The following RBM19 variants were observed in gnomAD, a reference collection of about 807,000 sequenced individuals.
The protein encoded by RBM19 is probable RNA-binding protein 19.
Under a neutral mutation model 116.8 loss-of-function variants are expected in RBM19, and 94 were observed. That is an observed-to-expected ratio of 0.80 (90% confidence interval 0.68 to 0.95). The LOEUF (loss-of-function observed/expected upper bound fraction) is 0.95, where lower values mean the gene tolerates loss of function less well. Ranked by LOEUF, RBM19 falls within the 40% of genes least tolerant of loss-of-function variation. The probability of loss-of-function intolerance (pLI) is 0.00; values close to 1 mark genes in which losing one functional copy is unlikely to be tolerated. For synonymous variants in RBM19, 475 were observed against 494.1 expected, an observed-to-expected ratio of 0.96 and a Z score of 0.51; for missense variants, 1,161 against 1,220.7, an observed-to-expected ratio of 0.95 and a Z score of 0.73.
chr12:113,928,141 A>G (rs4767168), intron 16 of RBM19, among the ~76,000 whole-genome samples: 10,489 of 152,216 alleles, frequency 0.069, 784 homozygotes, highest in East Asian at 0.41. Context: ...GTTCAAGACT[A>G]GCCTGGCCAA....
Position 113,895,845 on chromosome 12 carries a change from G to A in RBM19, c.2558+19124C>T, listed in dbSNP as rs142251013. The stretch of plus-strand genomic sequence containing the variant: ...CTATATATCTATTGGATTATATATA[G>A]AATATATACTATAGCTATATATAGG... On this transcript the variant is annotated intron_variant, in intron 21 of 23. Transcript: ENST00000261741. Among the ~76,000 whole-genome samples, 419 of 149,558 alleles carry A rather than the reference G, an allele frequency of 2.8e-3. 5 individuals are homozygous for A. Among genetic ancestry groups the A allele is most frequent in the African/African-American group, 9.9e-3 (404 of 40,850 alleles).
At position 113,950,144 on chromosome 12, in the gene RBM19, A is replaced by G; in HGVS notation, c.1011T>C (p.Phe337=). Reference sequence around the variant, plus strand: ...CTTCCTCTTCATTGCTGAAATCCACAAAGATGTATCCTGACAGAGGACAAT... The same window carrying G: ...CTTCCTCTTCATTGCTGAAATCCACGAAGATGTATCCTGACAGAGGACAAT... ...NAHGNKTGYI[F]VDFSNEEEVK... The change falls in exon 9 of 24, where the codon TTT becomes TTC. Residue 337 remains phenylalanine (F), a synonymous_variant. Coordinates refer to ENST00000261741, the MANE Select transcript of RBM19 (RefSeq NM_016196.4). 3 of 1,609,194 alleles carry G rather than the reference A, an allele frequency of 1.9e-6. No homozygotes were observed. Among genetic ancestry groups the G allele is most frequent in the Non-Finnish European group, 2.6e-6 (3 of 1,175,686 alleles).
intron 22 of RBM19, among the ~76,000 whole-genome samples, chr12:113,850,018 C>G (rs950107759): frequency 2.0e-5 from 3 of 152,212 alleles, no homozygotes; most frequent in African/African-American, 7.2e-5. Context: ...CTGCTCAAGG[C>G]CTCTCCTCAG....
chr12:113,882,852 A>C (rs936290192), intron 21 of RBM19, among the ~76,000 whole-genome samples: 1 of 152,258 alleles, frequency 6.6e-6, no homozygotes, highest in Non-Finnish European at 1.5e-5. Context: ...AAGAGTCCAG[A>C]GATACAAGAG....
intron 23 of RBM19, among the ~76,000 whole-genome samples, chr12:113,832,188 C>T (rs1875481654): frequency 7.1e-6 from 1 of 140,684 alleles, no homozygotes; most frequent in Admixed American, 7.0e-5. Flanking sequence ...GTTATCATTT[C>T]TTTTTTCTTT....
At chr12:113,819,611 C>T (rs1874287000), downstream of RBM19, among the ~76,000 whole-genome samples, 1 of 152,206 alleles carries the variant, frequency 6.6e-6, no homozygotes, top group East Asian at 1.9e-4. Context: ...AACGTCCCAT[C>T]ATTGCTTCAA....
intron 14 of RBM19, 99 bp from the exon 15 acceptor site, chr12:113,940,259 A>C: frequency 7.9e-7 from 1 of 1,265,274 alleles, no homozygotes; most frequent in Non-Finnish European, 1.1e-6. Flanking sequence ...AAGGCTCTCC[A>C]TTTGGAACCT....
At chr12:113,956,166 TG>T (rs1007680256) in intron 6 of RBM19, among the ~76,000 whole-genome samples, 5 of 151,860 alleles carry the variant, frequency 3.3e-5, no homozygotes, top group Non-Finnish European at 5.9e-5. Context: ...TATACAATTT[TG>T]GGGGGGAAGA....
intron 21 of RBM19, among the ~76,000 whole-genome samples, chr12:113,909,831 C>T (rs1882317310): frequency 6.6e-6 from 1 of 152,208 alleles, no homozygotes; most frequent in Admixed American, 6.5e-5. Context: ...ACAGTAATAA[C>T]AGCTACGCTG....
At chr12:113,936,516 T>C (rs1318349902) in intron 16 of RBM19, among the ~76,000 whole-genome samples, 1 of 152,228 alleles carries the variant, frequency 6.6e-6, no homozygotes, top group East Asian at 1.9e-4. Flanking sequence ...CAAAGCCCAA[T>C]GATACCCCTT....
chr12:113,877,212 AC>A (rs1879734998), intron 21 of RBM19, among the ~76,000 whole-genome samples: 1 of 152,234 alleles, frequency 6.6e-6, no homozygotes, highest in Non-Finnish European at 1.5e-5. Flanking sequence ...CCTCTGATAC[AC>A]CAGTGACCAC....
Position 113,955,207 on chromosome 12 carries a change from T to G in RBM19, c.845A>C (p.Glu282Ala), listed in dbSNP as rs972045774. ...KRPPEARAETEKPANQKEPTT... is the reference protein window; with the variant it reads ...KRPPEARAETAKPANQKEPTT... ...GGGTTCCTTCTGGTTTGCTGGTTTC[T>G]CTGTCTGAGTGATCACAAAAACAAA... The change falls in exon 7 of 24, where the codon GAG becomes GCG. Residue 282 changes from glutamate (E) to alanine (A), a missense_variant. Coordinates refer to ENST00000261741, the MANE Select transcript of RBM19 (RefSeq NM_016196.4). The G allele has an allele frequency of 3.7e-6, 6 of 1,613,898 alleles. No homozygotes were observed. Among genetic ancestry groups the G allele is most frequent in the Non-Finnish European group, 8.5e-7 (1 of 1,179,948 alleles).
chr12:113,856,601 C>T (rs1281402789), intron 22 of RBM19, among the ~76,000 whole-genome samples: 1 of 152,206 alleles, frequency 6.6e-6, no homozygotes, highest in East Asian at 1.9e-4. Context: ...CCATTCAGAA[C>T]AGCAGTGAGC....
chr12:113,836,283 G>A (rs1875879261), intron 23 of RBM19, among the ~76,000 whole-genome samples: 1 of 152,150 alleles, frequency 6.6e-6, no homozygotes. Context: ...AGGGCAGTTT[G>A]GTGGAAAACG....
chr12:113,846,951 G>A (rs1238289859), intron 22 of RBM19, among the ~76,000 whole-genome samples: 1 of 152,170 alleles, frequency 6.6e-6, no homozygotes, highest in Non-Finnish European at 1.5e-5. Flanking sequence ...GAACTCTAGT[G>A]ATCCTCCTGC....
chr12:113,922,615 T>A (rs1868684760), intron 18 of RBM19, among the ~76,000 whole-genome samples: 3 of 124,786 alleles, frequency 2.4e-5, no homozygotes, highest in South Asian at 4.8e-4. Flanking sequence ...CAGCAATAAC[T>A]TTTTTTTTTT....
At chr12:113,946,297 G>A in intron 12 of RBM19, 57 bp downstream of exon 12, 2 of 1,612,408 alleles carry the variant, frequency 1.2e-6, no homozygotes, top group Non-Finnish European at 1.7e-6. Context: ...GAAAGGGCAG[G>A]GTGAGGGTGG....
In RBM19 at chr12:113,948,850, T is replaced by C. The variant is rs1468412926; in HGVS notation, c.1259A>G (p.Lys420Arg). Residue 420 changes from lysine (K) to arginine (R), a missense_variant, in exon 10 of 24, where the codon AAG becomes AGG. Coordinates refer to ENST00000261741, the MANE Select transcript of RBM19 (RefSeq NM_016196.4). ...ACCCCTACCATATTTGGAGAAGAGC[T>C]TCTCCAGATCCTCCTCGGTGCTGGT... ...PYTSTEEDLE[K>R]LFSKYGPLSE... 2 of 1,614,168 alleles carry C rather than the reference T, an allele frequency of 1.2e-6. No homozygotes were observed. Among genetic ancestry groups the C allele is most frequent in the East Asian group, 2.2e-5 (1 of 44,864 alleles).
intron 4 of RBM19, 152 bp from the exon 5 acceptor site, chr12:113,959,556 T>G: frequency 1.1e-6 from 1 of 942,668 alleles, no homozygotes; most frequent in Non-Finnish European, 1.6e-6. Flanking sequence ...GACCCCGAGG[T>G]TCAGCTGGGT....
Sources: gnomAD v4.1 joint callset for allele counts (sites outside exome capture counted in the v4.1 genomes callset) on GRCh38, gnomAD v4.1.1 for gene constraint, MANE v1.5 for transcripts, NCBI Gene and HGNC (gene_info 2026-07-23, HGNC 2026-07-21) for gene names.